Variants in CDH4 observed in about 807,000 individuals in gnomAD.
CDH4 encodes the protein cadherin-4.
Under a neutral mutation model 86.0 loss-of-function variants are expected in CDH4, and 33 were observed. The observed-to-expected ratio is 0.38, with a 90% CI of 0.29 to 0.51. The LOEUF is 0.51. Ranked by LOEUF, CDH4 falls within the 20% of genes least tolerant of loss-of-function variation. The pLI is 0.86. For synonymous variants in CDH4, 555 were observed against 549.4 expected, an observed-to-expected ratio of 1.01 and a Z score of -0.14; for missense variants, 1,114 against 1,307.4, an observed-to-expected ratio of 0.85 and a Z score of 2.28.
chr20:61,713,941 C>T (rs932958259), intron 2 of CDH4, among the ~76,000 whole-genome samples: 7 of 152,172 alleles, frequency 4.6e-5, no homozygotes, highest in African/African-American at 7.2e-5. Flanking sequence ...GTGTGTTCAC[C>T]CCAGCGGGAC....
At chr20:61,478,531 A>G (rs1224343673) in intron 2 of CDH4, among the ~76,000 whole-genome samples, 1 of 152,160 alleles carries the variant, frequency 6.6e-6, no homozygotes, top group African/African-American at 2.4e-5. Flanking sequence ...GCATGTTACT[A>G]TTGTCCACCA....
At chr20:61,270,713 C>T (rs1173361516) in intron 2 of CDH4, among the ~76,000 whole-genome samples, 2 of 152,128 alleles carry the variant, frequency 1.3e-5, no homozygotes, top group African/African-American at 4.8e-5. Flanking sequence ...GCCAAAATTA[C>T]AGGGGCCTTT....
At chr20:61,647,598 A>C (rs2145810861) in intron 2 of CDH4, among the ~76,000 whole-genome samples, 4 of 109,070 alleles carry the variant, frequency 3.7e-5, no homozygotes, top group Non-Finnish European at 3.7e-5. Context: ...CTCTCTCCTC[A>C]CAAGGTGTCA....
intron 2 of CDH4, among the ~76,000 whole-genome samples, chr20:61,334,692 C>T (rs2084607852): frequency 6.6e-6 from 1 of 152,196 alleles, no homozygotes; most frequent in South Asian, 2.1e-4. Flanking sequence ...TGGGTTTCAA[C>T]ATATGGATTT....
At chr20:61,539,813 C>G (rs111698862) in intron 2 of CDH4, among the ~76,000 whole-genome samples, 1 of 152,252 alleles carries the variant, frequency 6.6e-6, no homozygotes, top group South Asian at 2.1e-4. Context: ...ATGGCTTCTG[C>G]GCATATTCCC....
chr20:61,338,383 A>G (rs930837811), intron 2 of CDH4, among the ~76,000 whole-genome samples: 4 of 152,190 alleles, frequency 2.6e-5, no homozygotes, highest in African/African-American at 7.2e-5. Context: ...CTTGGCAACA[A>G]TTGAGTAGTT....
chr20:61,359,944 C>G (rs1308576406), intron 2 of CDH4, among the ~76,000 whole-genome samples: 1 of 152,322 alleles, frequency 6.6e-6, no homozygotes, highest in East Asian at 1.9e-4. Context: ...ACAGGACTTT[C>G]TGGAAGGAAT....
intron 2 of CDH4, among the ~76,000 whole-genome samples, chr20:61,597,259 G>A (rs1465475309): frequency 6.6e-6 from 1 of 152,230 alleles, no homozygotes; most frequent in Non-Finnish European, 1.5e-5. Flanking sequence ...TCTACAGACT[G>A]AGAACCCTTG....
At chr20:61,735,127 G>A (rs918625754) in intron 2 of CDH4, among the ~76,000 whole-genome samples, 3 of 152,130 alleles carry the variant, frequency 2.0e-5, no homozygotes, top group African/African-American at 7.2e-5. Context: ...AGATCTCTGT[G>A]GGGAGAGGAA....
chr20:61,808,834 G>T (rs1247724492), intron 4 of CDH4, among the ~76,000 whole-genome samples: 1 of 151,434 alleles, frequency 6.6e-6, no homozygotes, highest in Admixed American at 6.6e-5. Context: ...TTGATACCCT[G>T]ATGTGTTTGT....
intron 4 of CDH4, among the ~76,000 whole-genome samples, chr20:61,796,081 A>G (rs571162938): frequency 1.1e-4 from 16 of 152,024 alleles, no homozygotes; most frequent in Admixed American, 3.9e-4. Flanking sequence ...TCAAGCCCAG[A>G]CCACCATCCA....
Position 61,743,653 on chromosome 20 carries a change from C to T in CDH4, c.260C>T (p.Ala87Val). 1 of 1,597,300 alleles carries T rather than the reference C, an allele frequency of 6.3e-7. No homozygotes were observed. The highest frequency in any genetic ancestry group is 1.3e-5 in the African/African-American group (1 of 74,822). ...GTTGGGGCAGATGGGACAGTCTTCG[C>T]CACCCGGGAGCTGCAGGTCCCCTCC... ...FKVGADGTVF[A>V]TRELQVPSEQ... The change falls in exon 3 of 16, where the codon GCC becomes GTC. Residue 87 changes from alanine to valine, a missense_variant. Physicochemically the swap from Ala to Val is moderately conservative, Grantham distance 64. Around this residue, in one of 3 missense-constraint regions of CDH4, gnomAD observed 221 missense variants for 209.5 expected, o/e 1.05. Coordinates refer to ENST00000614565, the MANE Select transcript of CDH4 (RefSeq NM_001794.5).
chr20:61,899,850 T>A (rs1208490953), intron 8 of CDH4, among the ~76,000 whole-genome samples: 3 of 152,230 alleles, frequency 2.0e-5, no homozygotes, highest in Admixed American at 6.5e-5. Context: ...AGTGCCTGGT[T>A]ATCACAGTTG....
At chr20:61,756,167 C>T (rs1022035809) in intron 3 of CDH4, among the ~76,000 whole-genome samples, 3 of 152,190 alleles carry the variant, frequency 2.0e-5, no homozygotes, top group Non-Finnish European at 4.4e-5. Context: ...GTGAACGCAC[C>T]CCCTGGGCTG....
Position 61,516,017 on chromosome 20 carries a change from C to T in CDH4, c.170-227546C>T, listed in dbSNP as rs1048972433. On this transcript the variant is annotated intron_variant, in intron 2 of 15. Coordinates refer to ENST00000614565, the MANE Select transcript of CDH4 (RefSeq NM_001794.5). The surrounding 1 kb of genome is among the most constrained non-coding windows in gnomAD (Gnocchi z 4.0). ...GAATGCAGAACTTCTCCAGCCCCAT[C>T]TTCCCCTGGGCTCTGGAACGCCCCC... Among the ~76,000 whole-genome samples the T allele has an allele frequency of 2.6e-5, 4 of 152,138 alleles. No homozygotes were observed. Among genetic ancestry groups the T allele is most frequent in the Non-Finnish European group, 5.9e-5 (4 of 68,026 alleles).
chr20:61,834,989 G>A (rs377344352), intron 4 of CDH4, among the ~76,000 whole-genome samples: 9 of 152,334 alleles, frequency 5.9e-5, no homozygotes, highest in African/African-American at 1.9e-4. Context: ...GTGCTGTGTC[G>A]TCACAGACCG....
intron 2 of CDH4, among the ~76,000 whole-genome samples, chr20:61,495,127 A>G (rs963843709): frequency 1.3e-5 from 2 of 152,198 alleles, no homozygotes; most frequent in Non-Finnish European, 2.9e-5. Context: ...ATCCTGTAGG[A>G]GCCGATGCTA....
At chr20:61,652,934 A>ATTTTTTTTTTTTTTTTTTTTTTTTTTT (rs1378064808) in intron 2 of CDH4, among the ~76,000 whole-genome samples, 8 of 103,018 alleles carry the variant, frequency 7.8e-5, no homozygotes, top group Non-Finnish European at 1.3e-4. Context: ...TTATTTATTT[A>ATTTTTTTTTTTTTTTTTTTTTTTTTTT]TTTATTTTTT....
chr20:61,408,789 G>A (rs1365031489), intron 2 of CDH4, among the ~76,000 whole-genome samples: 5 of 152,120 alleles, frequency 3.3e-5, no homozygotes, highest in Non-Finnish European at 7.3e-5. Flanking sequence ...GCCCATGACA[G>A]CATAGTGAGT....
Sources: allele counts gnomAD v4.1 joint callset (sites outside exome capture counted in the v4.1 genomes callset), GRCh38; gene constraint gnomAD v4.1.1; regional missense constraint gnomAD v4.1.1; non-coding constraint Gnocchi (gnomAD v3.1); transcripts MANE v1.5; gene names NCBI Gene and HGNC (gene_info 2026-07-23, HGNC 2026-07-21).